LRMDA: variants seen among roughly 807,000 people sequenced by gnomAD.
LRMDA encodes leucine rich melanocyte differentiation associated.
Under a neutral mutation model 29.8 loss-of-function variants are expected in LRMDA, and 18 were observed. The observed-to-expected ratio is 0.60, with a 90% CI of 0.42 to 0.90. The LOEUF is 0.90. Among genes scored for constraint, LRMDA ranks in the 40% least tolerant of loss-of-function variants. The pLI, the probability that LRMDA is intolerant of heterozygous loss-of-function variation, is 0.00. For missense variants in LRMDA, 273 were observed against 273.9 expected (o/e 1.00, Z 0.02); for synonymous variants, 125 against 109.4 (o/e 1.14, Z -0.89).
At chr10:75,668,531 A>C (rs1380238724) in intron 2 of LRMDA, among the ~76,000 whole-genome samples, 3 of 152,190 alleles carry the variant, frequency 2.0e-5, no homozygotes, top group Non-Finnish European at 4.4e-5. Flanking sequence ...CTCCAAGTGT[A>C]ATGCCATGAA....
intron 2 of LRMDA, among the ~76,000 whole-genome samples, chr10:75,458,999 G>GGT (rs1844553517): frequency 3.9e-5 from 1 of 25,566 alleles, no homozygotes; most frequent in African/African-American, 1.4e-4. Flanking sequence ...GTCTGCTTTA[G>GGT]ATTTTTTTTT....
chr10:75,444,304 G>T (rs569806837), intron 2 of LRMDA, among the ~76,000 whole-genome samples: 2 of 152,292 alleles, frequency 1.3e-5, no homozygotes, highest in South Asian at 4.1e-4. Flanking sequence ...TTTTCTGGGG[G>T]AGAATTAAAG....
chr10:76,530,454 A>G (rs1843222479), intron 6 of LRMDA, among the ~76,000 whole-genome samples: 1 of 152,180 alleles, frequency 6.6e-6, no homozygotes, highest in Non-Finnish European at 1.5e-5. Context: ...CTGTAAAAGG[A>G]AAAAAGGGCA....
At chr10:75,611,746 C>A (rs911658478) in intron 2 of LRMDA, among the ~76,000 whole-genome samples, 1 of 152,168 alleles carries the variant, frequency 6.6e-6, no homozygotes, top group Non-Finnish European at 1.5e-5. Flanking sequence ...GTGGATGTAA[C>A]CCCTGGCCAG....
At chr10:76,475,284 G>T (rs1384291373) in intron 6 of LRMDA, among the ~76,000 whole-genome samples, 1 of 151,696 alleles carries the variant, frequency 6.6e-6, no homozygotes, top group Non-Finnish European at 1.5e-5. Flanking sequence ...CTGTGAATAT[G>T]CATAAAGTTT....
chr10:75,905,324 T>A (rs920628172), intron 2 of LRMDA, among the ~76,000 whole-genome samples: 22 of 150,218 alleles, frequency 1.5e-4, no homozygotes, highest in African/African-American at 3.7e-4. Flanking sequence ...GATTTTTTTT[T>A]AAAAAGATTC....
intron 2 of LRMDA, among the ~76,000 whole-genome samples, chr10:75,791,996 A>T (rs1318411250): frequency 6.6e-6 from 1 of 150,606 alleles, no homozygotes; most frequent in Non-Finnish European, 1.5e-5. Flanking sequence ...AGTAGCTGGG[A>T]CTGCAGGTGC....
chr10:75,832,671 G>A (rs889892200), intron 2 of LRMDA, among the ~76,000 whole-genome samples: 4 of 152,138 alleles, frequency 2.6e-5, no homozygotes, highest in African/African-American at 9.7e-5. Flanking sequence ...ACTGGGCAAC[G>A]TACAAAAGAA....
At chr10:76,127,584 T>C (rs76309238) in intron 5 of LRMDA, among the ~76,000 whole-genome samples, 1 of 144,728 alleles carries the variant, frequency 6.9e-6, no homozygotes, top group East Asian at 2.0e-4. Flanking sequence ...TTTTTTTTTT[T>C]CATGAAAACT....
chr10:76,078,988 T>C (rs1849008619), intron 5 of LRMDA, among the ~76,000 whole-genome samples: 1 of 152,206 alleles, frequency 6.6e-6, no homozygotes, highest in Admixed American at 6.5e-5. Context: ...ATATTTACTT[T>C]GTTTATCAGG....
intron 6 of LRMDA, among the ~76,000 whole-genome samples, chr10:76,474,965 T>G (rs1842652154): frequency 6.6e-6 from 1 of 151,824 alleles, no homozygotes. Flanking sequence ...AATCTAAATG[T>G]TCATCAATTG....
intron 4 of LRMDA, among the ~76,000 whole-genome samples, chr10:76,055,452 C>A (rs79075262): frequency 6.6e-6 from 1 of 152,304 alleles, no homozygotes; most frequent in African/African-American, 2.4e-5. Flanking sequence ...ATAATGTCAC[C>A]GAATCCTTGG....
chr10:75,766,000 G>A lies in LRMDA; in HGVS notation c.132-270008G>A, dbSNP rs544470741. ...GTGAGGCTGAGATGGTGAGGAGGGC[G>A]TGGAGAACAGTGGCTCTAGGTACTA... On this transcript the variant is annotated intron_variant, in intron 2 of 6. Coordinates refer to ENST00000611255, the MANE Select transcript of LRMDA (RefSeq NM_001305581.2). Among the ~76,000 whole-genome samples, 26 of 152,296 alleles carry A rather than the reference G, an allele frequency of 1.7e-4. No homozygotes were observed. In the South Asian group the frequency reaches 2.5e-3, roughly 15 times the overall value.
In LRMDA at chr10:76,376,105, G is replaced by T. The variant is rs535941041; in HGVS notation, c.601+51620G>T. The stretch of plus-strand genomic sequence containing the variant: ...TTAGTGTAACCAACACCCAAATAGT[G>T]TATATCATTCCCAATAGGTAATTTC... On this transcript the variant is annotated intron_variant, in intron 6 of 6. Coordinates refer to ENST00000611255, the MANE Select transcript of LRMDA (RefSeq NM_001305581.2). Among the ~76,000 whole-genome samples, 56 of 152,110 alleles carry T rather than the reference G, an allele frequency of 3.7e-4. 1 individual carries two copies. In the South Asian group the frequency reaches 0.012, roughly 32 times the overall value.
chr10:75,690,419 C>T (rs947381093), intron 2 of LRMDA, among the ~76,000 whole-genome samples: 1 of 152,198 alleles, frequency 6.6e-6, no homozygotes, highest in Non-Finnish European at 1.5e-5. Flanking sequence ...ATCCTCCCAT[C>T]TCAGCCTCCC....
rs117946056 is a variant in LRMDA, at chr10:75,676,822, C to T, written c.131+238328C>T. Among the ~76,000 whole-genome samples, 1,153 of 152,234 alleles carry T rather than the reference C, an allele frequency of 7.6e-3. 12 individuals are homozygous for T. Among genetic ancestry groups the T allele is most frequent in the Middle Eastern group, 0.02 (6 of 294 alleles). On this transcript the variant is annotated intron_variant, in intron 2 of 6. Coordinates refer to ENST00000611255, the MANE Select transcript of LRMDA (RefSeq NM_001305581.2). Reference sequence around the variant, plus strand: ...GATACCTGACCAATGTATCTCCAGCCATGGTGGTGGAGGTGTGGCTCTTCA... The same window carrying T: ...GATACCTGACCAATGTATCTCCAGCTATGGTGGTGGAGGTGTGGCTCTTCA...
At chr10:76,013,682 G>A (rs1344406555) in intron 2 of LRMDA, among the ~76,000 whole-genome samples, 1 of 151,994 alleles carries the variant, frequency 6.6e-6, no homozygotes, top group Non-Finnish European at 1.5e-5. Context: ...AGGTGGGGGG[G>A]AAGGCCGAGG....
chr10:75,747,941 G>A (rs1842908445), intron 2 of LRMDA, among the ~76,000 whole-genome samples: 2 of 152,166 alleles, frequency 1.3e-5, no homozygotes, highest in East Asian at 1.9e-4. Flanking sequence ...TTTTGCTTAA[G>A]GCTCCTAATA....
At chr10:75,591,231 C>T (rs1210750001) in intron 2 of LRMDA, among the ~76,000 whole-genome samples, 1 of 152,020 alleles carries the variant, frequency 6.6e-6, no homozygotes, top group African/African-American at 2.4e-5. Context: ...TGAAGACTGC[C>T]CCCCCACCCC....
Sources: allele counts gnomAD v4.1 joint callset (sites outside exome capture counted in the v4.1 genomes callset), GRCh38; gene constraint gnomAD v4.1.1; transcripts MANE v1.5; gene names NCBI Gene and HGNC (gene_info 2026-07-23, HGNC 2026-07-21).